Variants in GPC5 observed in about 807,000 individuals in gnomAD.
GPC5 encodes the protein glypican-5.
A neutral mutation model predicts 53.9 loss-of-function variants in GPC5; 47 were observed. That is an observed-to-expected ratio of 0.87 (90% CI 0.69 to 1.11). The LOEUF is 1.11. GPC5 is among the 50% of genes most tolerant of loss of function. The pLI, the probability that GPC5 is intolerant of heterozygous loss-of-function variation, is 0.00. For synonymous variants in GPC5, 286 were observed against 263.3 expected, an observed-to-expected ratio of 1.09 and a Z score of -0.84; for missense variants, 748 against 713.1, an observed-to-expected ratio of 1.05 and a Z score of -0.56.
chr13:92,107,023 T>A (rs1480745633), intron 6 of GPC5, among the ~76,000 whole-genome samples: 1 of 152,176 alleles, frequency 6.6e-6, no homozygotes, highest in African/African-American at 2.4e-5. Context: ...TTTACATCAT[T>A]CACTTAATAT....
At position 92,402,251 on chromosome 13, in the gene GPC5, G is replaced by A. The variant is rs147647740; in HGVS notation, c.1561+257262G>A. Reference sequence around the variant, plus strand: ...AACCGTCACTTATTAATAGCAGCGAGTTTGGGCAAACAAAATCACAAAATA... The same window carrying A: ...AACCGTCACTTATTAATAGCAGCGAATTTGGGCAAACAAAATCACAAAATA... On this transcript the variant is annotated intron_variant, in intron 7 of 7. Coordinates refer to ENST00000377067, the MANE Select transcript of GPC5 (RefSeq NM_004466.6). 1.8e-4 allele frequency among the ~76,000 whole-genome samples: 27 copies of A among 152,208 alleles called. No individual in the cohort carries two copies. In the East Asian group the frequency reaches 5.2e-3, roughly 29 times the overall value.
chr13:91,719,841 T>C (rs1205526306), intron 3 of GPC5, among the ~76,000 whole-genome samples: 3 of 150,946 alleles, frequency 2.0e-5, no homozygotes, highest in African/African-American at 4.9e-5. Flanking sequence ...ATTTTTTTTT[T>C]CTCTTATTTC....
intron 5 of GPC5, among the ~76,000 whole-genome samples, chr13:91,846,846 GATA>G (rs1470887113): frequency 2.0e-5 from 3 of 151,890 alleles, no homozygotes; most frequent in African/African-American, 4.8e-5. Context: ...TGGGAAAATG[GATA>G]ATATTATTGG....
At chr13:91,913,354 G>C (rs1395113528) in intron 6 of GPC5, among the ~76,000 whole-genome samples, 2 of 150,410 alleles carry the variant, frequency 1.3e-5, no homozygotes, top group Non-Finnish European at 3.0e-5. Context: ...AGCCAAGATT[G>C]TGCCACTACA....
At chr13:91,627,436 G>A (rs1394517484) in intron 2 of GPC5, among the ~76,000 whole-genome samples, 1 of 152,060 alleles carries the variant, frequency 6.6e-6, no homozygotes, top group Non-Finnish European at 1.5e-5. Context: ...CATTGTGGAA[G>A]ACAGTGTGAG....
At chr13:92,854,288 TAGAA>T (rs1327534808) in intron 7 of GPC5, among the ~76,000 whole-genome samples, 2 of 146,182 alleles carry the variant, frequency 1.4e-5, no homozygotes, top group African/African-American at 5.1e-5. Context: ...TATATATATA[TAGAA>T]AAATATATAT....
At chr13:91,430,526 T>G (rs1879371428) in intron 1 of GPC5, among the ~76,000 whole-genome samples, 1 of 152,162 alleles carries the variant, frequency 6.6e-6, no homozygotes. Flanking sequence ...TTCTGAGTGG[T>G]GTGGACTGAA....
intron 4 of GPC5, among the ~76,000 whole-genome samples, chr13:91,755,971 T>A (rs1353824597): frequency 1.3e-5 from 2 of 151,684 alleles, no homozygotes; most frequent in South Asian, 4.2e-4. Context: ...TCTTTATGCA[T>A]CAGTATATAC....
At chr13:91,932,298 A>G (rs1198739530) in intron 6 of GPC5, among the ~76,000 whole-genome samples, 1 of 152,056 alleles carries the variant, frequency 6.6e-6, no homozygotes, top group African/African-American at 2.4e-5. Context: ...CATGTCCAAA[A>G]TTTCATTTCT....
At chr13:92,207,842 AG>A (rs2042348415) in intron 7 of GPC5, among the ~76,000 whole-genome samples, 1 of 152,198 alleles carries the variant, frequency 6.6e-6, no homozygotes, top group South Asian at 2.1e-4. Context: ...ATGCGCTTAT[AG>A]TACTCTGAAC....
At chr13:92,725,615 C>T (rs1888623177) in intron 7 of GPC5, among the ~76,000 whole-genome samples, 1 of 151,222 alleles carries the variant, frequency 6.6e-6, no homozygotes, top group African/African-American at 2.4e-5. Flanking sequence ...TGTTAATAAT[C>T]CAAAATGCAA....
At chr13:91,787,618 C>A (rs950368764) in intron 5 of GPC5, among the ~76,000 whole-genome samples, 6 of 152,158 alleles carry the variant, frequency 3.9e-5, no homozygotes, top group East Asian at 1.9e-4. Flanking sequence ...AGAGGCAAGA[C>A]ATTTTTGTAA....
chr13:92,129,010 C>T (rs1392208748), intron 6 of GPC5, among the ~76,000 whole-genome samples: 1 of 152,058 alleles, frequency 6.6e-6, no homozygotes, highest in Non-Finnish European at 1.5e-5. Context: ...ACCAAAGCAA[C>T]TGGGAGCCAA....
At chr13:92,221,993 A>T (rs2042452711) in intron 7 of GPC5, among the ~76,000 whole-genome samples, 1 of 152,178 alleles carries the variant, frequency 6.6e-6, no homozygotes, top group Admixed American at 6.6e-5. Flanking sequence ...GAATTGCATG[A>T]TATTTGAGTG....
chr13:91,973,205 A>G (rs2040261433), intron 6 of GPC5, among the ~76,000 whole-genome samples: 4 of 151,816 alleles, frequency 2.6e-5, no homozygotes, highest in Non-Finnish European at 2.9e-5. Context: ...TTCTTGCTTC[A>G]TTTCATTCAT....
At chr13:91,499,785 T>A (rs610028) in intron 2 of GPC5, among the ~76,000 whole-genome samples, 3 of 152,214 alleles carry the variant, frequency 2.0e-5, no homozygotes, top group Admixed American at 2.0e-4. Flanking sequence ...AACTCCTAAG[T>A]TTGGTAATTT....
intron 2 of GPC5, among the ~76,000 whole-genome samples, chr13:91,611,117 C>G (rs977648342): frequency 2.0e-5 from 3 of 152,082 alleles, no homozygotes; most frequent in African/African-American, 7.2e-5. Flanking sequence ...CATTAGTTAA[C>G]CAAATTGCTT....
At chr13:92,483,127 C>T (rs1879419612) in intron 7 of GPC5, among the ~76,000 whole-genome samples, 1 of 152,222 alleles carries the variant, frequency 6.6e-6, no homozygotes, top group Admixed American at 6.5e-5. Context: ...ATTATCTCCA[C>T]TTGGCCTTGC....
chr13:92,302,678 T>C (rs528929187), intron 7 of GPC5, among the ~76,000 whole-genome samples: 2 of 152,330 alleles, frequency 1.3e-5, no homozygotes, highest in Admixed American at 1.3e-4. Flanking sequence ...TTCTCAGCAT[T>C]TTATGATAAT....
Sources: allele counts gnomAD v4.1 joint callset (sites outside exome capture counted in the v4.1 genomes callset), GRCh38; gene constraint gnomAD v4.1.1; transcripts MANE v1.5; gene names NCBI Gene and HGNC (gene_info 2026-07-23, HGNC 2026-07-21).